PTBP3: variants seen among roughly 807,000 people sequenced by gnomAD.
The protein encoded by PTBP3 is polypyrimidine tract-binding protein 3.
A neutral mutation model predicts 58.7 loss-of-function variants in PTBP3; 20 were observed. The observed-to-expected ratio is 0.34, with a 90% CI of 0.24 to 0.50. The LOEUF (loss-of-function observed/expected upper bound fraction) is 0.50, where lower values mean the gene tolerates loss of function less well. Ranked by LOEUF, PTBP3 falls within the 20% of genes least tolerant of loss-of-function variation. PTBP3 has a pLI of 0.98. For synonymous variants in PTBP3, 185 were observed against 219.8 expected (o/e 0.84, Z 1.40); for missense variants, 509 against 637.2 (o/e 0.80, Z 2.17).
intron 1 of PTBP3, among the ~76,000 whole-genome samples, chr9:112,323,081 C>T (rs889086901): frequency 1.3e-5 from 2 of 152,168 alleles, no homozygotes; most frequent in African/African-American, 4.8e-5. Context: ...AACCCAGTCT[C>T]CACAAAAAAA....
At chr9:112,257,298 A>C (rs1039369294) in intron 5 of PTBP3, among the ~76,000 whole-genome samples, 1 of 152,212 alleles carries the variant, frequency 6.6e-6, no homozygotes, top group Non-Finnish European at 1.5e-5. Flanking sequence ...GGAATCTAGG[A>C]ATGCCTGAGG....
In PTBP3 at chr9:112,234,357, C is replaced by G. The variant is rs76424639; in HGVS notation, c.880+463G>C. On this transcript the variant is annotated intron_variant, in intron 8 of 13. Coordinates refer to ENST00000374257, the MANE Select transcript of PTBP3 (RefSeq NM_001163788.4). ...CGTAATCTTCAAAACCCATTAATGA[C>G]AAAAGGTTTTCCAAAGATGAATAGT... Among the ~76,000 whole-genome samples the G allele has an allele frequency of 5.0e-4, 76 of 152,218 alleles. 2 individuals carry two copies. The East Asian group carries it at 0.013, about 25-fold the overall frequency.
At chr9:112,320,285 A>ATATAT (rs1245303665) in intron 1 of PTBP3, among the ~76,000 whole-genome samples, 1 of 40,122 alleles carries the variant, frequency 2.5e-5, no homozygotes, top group African/African-American at 2.6e-4. Flanking sequence ...CTCTTAAAAA[A>ATATAT]AAAAAAATAT....
At chr9:112,332,764 G>A (rs74805013) in intron 1 of PTBP3, 34,184 of 1,611,142 alleles carry the variant, frequency 0.021, 403 homozygotes, top group Middle Eastern at 0.025. Context: ...AAAATCGCTC[G>A]TACATCATAT....
At chr9:112,295,945 G>C (rs1354702340) in intron 2 of PTBP3, among the ~76,000 whole-genome samples, 2 of 152,184 alleles carry the variant, frequency 1.3e-5, no homozygotes, top group South Asian at 2.1e-4. Flanking sequence ...TGCAGCCTGT[G>C]CACAGCATGC....
chr9:112,301,782 A>G (rs1828946892), intron 1 of PTBP3, among the ~76,000 whole-genome samples: 1 of 152,206 alleles, frequency 6.6e-6, no homozygotes, highest in African/African-American at 2.4e-5. Context: ...GGTGTACTAT[A>G]ATTATATAAG....
chr9:112,252,966 A>T (rs1460723174), intron 5 of PTBP3, among the ~76,000 whole-genome samples, 178 bp from the exon 6 acceptor site: 1 of 152,226 alleles, frequency 6.6e-6, no homozygotes, highest in Non-Finnish European at 1.5e-5. Flanking sequence ...ATCTTACAAC[A>T]ACGCCCGGTA....
At chr9:112,262,738 C>T (rs1167445573) in intron 4 of PTBP3, 139 bp from the exon 5 acceptor site, 6 of 688,942 alleles carry the variant, frequency 8.7e-6, no homozygotes, top group Non-Finnish European at 4.2e-6. Context: ...AGATACATAT[C>T]CTAAATTTGT....
At chr9:112,276,272 A>G (rs944513002) in intron 2 of PTBP3, among the ~76,000 whole-genome samples, 2 of 152,218 alleles carry the variant, frequency 1.3e-5, no homozygotes, top group Non-Finnish European at 2.9e-5. Context: ...AAGGAAAAGT[A>G]TAAGGGTAAA....
the PTBP3 span, among the ~76,000 whole-genome samples, chr9:112,351,911 T>G: frequency 6.6e-6 from 1 of 151,820 alleles, no homozygotes; most frequent in Admixed American, 6.6e-5. Flanking sequence ...ATTTACTACC[T>G]CAGTCCTAGA....
chr9:112,261,720 T>A (rs1185059215), intron 5 of PTBP3, among the ~76,000 whole-genome samples: 1 of 152,248 alleles, frequency 6.6e-6, no homozygotes, highest in Non-Finnish European at 1.5e-5. Flanking sequence ...ATTCTTAGGA[T>A]ATGTATATAT....
chr9:112,273,531 G>A (rs1348585118), intron 3 of PTBP3, among the ~76,000 whole-genome samples: 2 of 152,122 alleles, frequency 1.3e-5, no homozygotes, highest in Admixed American at 1.3e-4. Context: ...TAAAGGAAAA[G>A]CTAAACAATA....
chr9:112,375,236 A>T, the PTBP3 span, among the ~76,000 whole-genome samples: 1 of 152,262 alleles, frequency 6.6e-6, no homozygotes, highest in East Asian at 1.9e-4. Context: ...CTCTTCCCCA[A>T]ATTTTATTGT....
At chr9:112,237,368 G>A (rs1225589004) in intron 7 of PTBP3, among the ~76,000 whole-genome samples, 2 of 152,042 alleles carry the variant, frequency 1.3e-5, no homozygotes, top group African/African-American at 2.4e-5. Flanking sequence ...TTTCAGATCC[G>A]AATAAGAACG....
rs1834849075 is a variant in PTBP3 at position 112,222,779 on chromosome 9, T to TC, written c.*1071dup. The TC allele has an allele frequency of 3.2e-6, 3 of 940,566 alleles. No individual in the cohort carries two copies. Among genetic ancestry groups the TC allele is most frequent in the Non-Finnish European group, 3.8e-6 (3 of 788,830 alleles). 58.3% of individuals were successfully genotyped at this position (940,566 alleles called of 1,614,324 possible). A position where few individuals can be genotyped will look rare whatever the true frequency, so the allele number is the denominator to read the frequency against. On this transcript the variant is annotated 3_prime_UTR_variant, in exon 14 of 14. Transcript: ENST00000374257. ...TTAGATTAAACTCTAACCTATTGTATCTTAAGCACATAATAAGGCACATAA... is the reference window on the plus strand; with the variant it reads ...TTAGATTAAACTCTAACCTATTGTATCCTTAAGCACATAATAAGGCACATAA...
intron 5 of PTBP3, among the ~76,000 whole-genome samples, chr9:112,255,415 G>C (rs1477034334): frequency 5.3e-5 from 8 of 152,110 alleles, no homozygotes; most frequent in African/African-American, 1.9e-4. Context: ...GGCAAGACAT[G>C]AATCAATGTA....
the PTBP3 span, among the ~76,000 whole-genome samples, chr9:112,338,950 A>G: frequency 6.6e-6 from 1 of 152,136 alleles, no homozygotes; most frequent in African/African-American, 2.4e-5. Flanking sequence ...CCAAAGTTGC[A>G]TTGGGCTTTC....
chr9:112,229,786 G>T (rs568583222), intron 10 of PTBP3, among the ~76,000 whole-genome samples: 1 of 152,198 alleles, frequency 6.6e-6, no homozygotes, highest in African/African-American at 2.4e-5. Context: ...GCCCAGGTTG[G>T]TCTCAAACAA....
rs1375735554 is a variant in PTBP3, at chr9:112,223,473, A to T, written c.*378T>A. 1 of 914,558 alleles carries T rather than the reference A, an allele frequency of 1.1e-6. No homozygotes were observed. Among genetic ancestry groups the T allele is most frequent in the African/African-American group, 1.8e-5 (1 of 55,400 alleles). The allele number at this position is 914,558 out of a possible 1,614,324, so 56.7% of individuals were successfully genotyped here. On this transcript the variant is annotated 3_prime_UTR_variant, in exon 14 of 14. Coordinates refer to ENST00000374257, the MANE Select transcript of PTBP3 (RefSeq NM_001163788.4). Reference sequence around the variant, plus strand: ...AAGTAATTTTAGAAGTCTGTGTTTAAATTTTTTAAAAGTACAAATGAGTTT... The same window carrying T: ...AAGTAATTTTAGAAGTCTGTGTTTATATTTTTTAAAAGTACAAATGAGTTT...
Sources: allele counts gnomAD v4.1 joint callset (sites outside exome capture counted in the v4.1 genomes callset), GRCh38; gene constraint gnomAD v4.1.1; transcripts MANE v1.5; gene names NCBI Gene and HGNC (gene_info 2026-07-23, HGNC 2026-07-21).